The following SLC16A9 variants were observed in gnomAD, a reference collection of about 807,000 sequenced individuals.
The protein encoded by SLC16A9 is monocarboxylate transporter 9.
Under a neutral mutation model 44.3 loss-of-function variants are expected in SLC16A9, and 26 were observed. The ratio of observed to expected loss-of-function variants is 0.59; its 90% confidence interval spans 0.43 to 0.81. The LOEUF is 0.81. SLC16A9 is among the 40% of genes least tolerant of loss of function. The pLI is 0.00. For synonymous variants in SLC16A9, 230 were observed against 225.1 expected, an observed-to-expected ratio of 1.02 and a Z score of -0.19; for missense variants, 559 against 595.8, an observed-to-expected ratio of 0.94 and a Z score of 0.64.
Position 59,653,835 on chromosome 10 carries a change from T to C in SLC16A9, c.1191A>G (p.Thr397=). 1 of 1,614,154 alleles carries C rather than the reference T, an allele frequency of 6.2e-7. No homozygotes were observed. Among genetic ancestry groups the C allele is most frequent in the Admixed American group, 1.7e-5 (1 of 60,024 alleles). The stretch of plus-strand genomic sequence containing the variant: ...CTAGGATCCCAGAAAGCAACGCCAA[T>C]GTGACATAGCTTTTGGCAAATGGAA... The part of the protein sequence containing the change: ...CAIPFAKSYV[T]LALLSGILGF... The change falls in exon 5 of 6, where the codon ACA becomes ACG. Residue 397 remains threonine (T), a synonymous_variant. Transcript: ENST00000395348.
At chr10:59,691,429 T>G (rs1840250100) in intron 1 of SLC16A9, among the ~76,000 whole-genome samples, 1 of 152,144 alleles carries the variant, frequency 6.6e-6, no homozygotes, top group African/African-American at 2.4e-5. Flanking sequence ...CAGAATTAAT[T>G]TGAATTTGAA....
At position 59,653,715 on chromosome 10, in the gene SLC16A9, G is replaced by A. The variant is rs757332576; in HGVS notation, c.1311C>T (p.Phe437=). ...CTAGGCTATTTCCAAGTCCAGCAAA[G>A]AACATTAATATCCCATAGGCATGGG... ...KLAHAYGILM[F]FAGLGNSLGP... Residue 437 remains phenylalanine (F), a synonymous_variant, in exon 5 of 6, where the codon TTC becomes TTT. Transcript: ENST00000395348. 11 of 1,613,824 alleles carry A rather than the reference G, an allele frequency of 6.8e-6. No individual in the cohort carries two copies. Among genetic ancestry groups the A allele is most frequent in the Middle Eastern group, 1.6e-4 (1 of 6,084 alleles).
chr10:59,680,442 GTCT>G (rs1839961823), intron 2 of SLC16A9, among the ~76,000 whole-genome samples: 1 of 152,168 alleles, frequency 6.6e-6, no homozygotes, highest in South Asian at 2.1e-4. Flanking sequence ...TCCAAGAACT[GTCT>G]TCATCTTTCA....
chr10:59,656,799 T>C (rs1839359250), intron 4 of SLC16A9, among the ~76,000 whole-genome samples: 1 of 152,222 alleles, frequency 6.6e-6, no homozygotes, highest in Non-Finnish European at 1.5e-5. Flanking sequence ...GCTAAAACTG[T>C]AATTTTTAAT....
rs1236548704 is a variant in SLC16A9 at position 59,651,158 on chromosome 10, C to T, written c.*1614G>A. The T allele has an allele frequency of 6.6e-6, 1 of 152,078 alleles. No homozygotes were observed. Among genetic ancestry groups the T allele is most frequent in the Non-Finnish European group, 1.5e-5 (1 of 68,010 alleles). 9.4% of individuals were successfully genotyped at this position (152,078 alleles called of 1,614,324 possible). ...GAACTGTTATGAAATTCTCCATATT[C>T]CAGGTTTACTACATAGAAAAGTACT... On this transcript the variant is annotated 3_prime_UTR_variant, in exon 6 of 6. Coordinates refer to ENST00000395348, the MANE Select transcript of SLC16A9 (RefSeq NM_194298.3).
At chr10:59,664,998 T>C (rs1377022746) in intron 3 of SLC16A9, among the ~76,000 whole-genome samples, 2 of 152,222 alleles carry the variant, frequency 1.3e-5, no homozygotes, top group Non-Finnish European at 2.9e-5. Context: ...ATATGGTTGT[T>C]TGCTATACTA....
chr10:59,661,552 C>G (rs1298971437), intron 4 of SLC16A9, among the ~76,000 whole-genome samples: 2 of 152,230 alleles, frequency 1.3e-5, no homozygotes, highest in East Asian at 3.9e-4. Flanking sequence ...GAATCAATAT[C>G]GTGAAAATGG....
chr10:59,696,636 C>T (rs947290617), intron 1 of SLC16A9, among the ~76,000 whole-genome samples: 1 of 150,274 alleles, frequency 6.7e-6, no homozygotes, highest in Non-Finnish European at 1.5e-5. Context: ...TCTGCCCGGC[C>T]GCCATCCCAT....
At chr10:59,702,051 G>C (rs980347733) in intron 1 of SLC16A9, among the ~76,000 whole-genome samples, 2 of 152,206 alleles carry the variant, frequency 1.3e-5, no homozygotes, top group Admixed American at 1.3e-4. Context: ...CATAGGGAAA[G>C]CTCAACAAAT....
chr10:59,681,893 C>T (rs1054480614), intron 2 of SLC16A9, among the ~76,000 whole-genome samples: 3 of 134,482 alleles, frequency 2.2e-5, no homozygotes, highest in Non-Finnish European at 3.2e-5. Context: ...TATACACACA[C>T]GCAGGCGTAA....
rs892657878 is a variant in SLC16A9 at position 59,653,867 on chromosome 10, A to G, written c.1159T>C (p.Cys387Arg). 6.2e-7 allele frequency: 1 copy of G among 1,614,214 alleles called. No individual in the cohort carries two copies. Among genetic ancestry groups the G allele is most frequent in the Non-Finnish European group, 8.5e-7 (1 of 1,180,028 alleles). Residue 387 changes from cysteine (C) to arginine (R), a missense_variant, in exon 5 of 6, where the codon TGT becomes CGT. Transcript: ENST00000395348. ...ATLIIMGLAL[C>R]AIPFAKSYVT... ...TAGCTTTTGGCAAATGGAATTGCAC[A>G]CAAGGCTAGGCCCATGATGATTAAG...
In SLC16A9 at chr10:59,651,183, T is replaced by G. The variant is rs1839189670; in HGVS notation, c.*1589A>C. 1 of 152,168 alleles carries G rather than the reference T, an allele frequency of 6.6e-6. No individual in the cohort carries two copies. The highest frequency in any genetic ancestry group is 1.5e-5 in the Non-Finnish European group (1 of 68,018). The allele number at this position is 152,168 out of a possible 1,614,324, so 9.4% of individuals were successfully genotyped here. ...CCAGGTTTACTACATAGAAAAGTACTATTTACCTACCTCACAGAGGTATTG... is the reference window on the plus strand; with the variant it reads ...CCAGGTTTACTACATAGAAAAGTACGATTTACCTACCTCACAGAGGTATTG... On this transcript the variant is annotated 3_prime_UTR_variant, in exon 6 of 6. Transcript: ENST00000395348.
intron 5 of SLC16A9, 110 bp downstream of exon 5, chr10:59,653,565 C>A (rs2132391605): frequency 1.2e-6 from 1 of 863,640 alleles, no homozygotes; most frequent in Non-Finnish European, 1.8e-6. Context: ...ATGTTCCATG[C>A]AGATTTCTTT....
At position 59,684,341 on chromosome 10, in the gene SLC16A9, A is replaced by C; in HGVS notation, c.-36-14T>G. The C allele has an allele frequency of 6.7e-7, 1 of 1,498,712 alleles. No individual in the cohort carries two copies. Among genetic ancestry groups the C allele is most frequent in the Non-Finnish European group, 9.2e-7 (1 of 1,091,732 alleles). 92.8% of individuals were successfully genotyped at this position (1,498,712 alleles called of 1,614,324 possible). On this transcript the variant is annotated splice_polypyrimidine_tract_variant and intron_variant, in intron 1 of 5. Coordinates refer to ENST00000395348, the MANE Select transcript of SLC16A9 (RefSeq NM_194298.3). ...TCTCTGCAGGTCCTAAACAAAAACA[A>C]ACAGAAAAGAGAATCTTATTTAGAG... is the stretch of plus-strand genomic sequence containing the variant.
At chr10:59,669,760 C>T (rs1222359089) in intron 3 of SLC16A9, among the ~76,000 whole-genome samples, 2 of 151,996 alleles carry the variant, frequency 1.3e-5, no homozygotes, top group Non-Finnish European at 2.9e-5. Flanking sequence ...TCGCTTGAAC[C>T]CATGAGGCGG....
chr10:59,680,488 C>T (rs1378157432), intron 2 of SLC16A9, among the ~76,000 whole-genome samples: 1 of 152,168 alleles, frequency 6.6e-6, no homozygotes, highest in Non-Finnish European at 1.5e-5. Context: ...GCAGGTTTTA[C>T]AGACAATTTA....
chr10:59,677,940 G>T (rs893851656), intron 2 of SLC16A9, among the ~76,000 whole-genome samples: 1 of 151,372 alleles, frequency 6.6e-6, no homozygotes, highest in Non-Finnish European at 1.5e-5. Context: ...CAATGTGCAG[G>T]TTAGTTACAT....
rs1378694203 is a variant in SLC16A9, at chr10:59,654,194, AAT to A, written c.830_831del (p.Tyr277PhefsTer14). 6.2e-7 allele frequency: 1 copy of A among 1,614,094 alleles called. No homozygotes were observed. The highest frequency in any genetic ancestry group is 8.5e-7 in the Non-Finnish European group (1 of 1,180,006). The part of the protein sequence containing the change: ...TYKKKVAEQT[Y>X]FCKQLAKRKW... Reference sequence around the variant, plus strand: ...TTCCTCTTGGCAAGCTGTTTGCAAAAATATGTCTGTTCTGCAACTTTCTTTTT... The same window carrying A: ...TTCCTCTTGGCAAGCTGTTTGCAAAAATGTCTGTTCTGCAACTTTCTTTTT... On this transcript the variant is annotated frameshift_variant, in exon 5 of 6. Coordinates refer to ENST00000395348, the MANE Select transcript of SLC16A9 (RefSeq NM_194298.3). LOFTEE classifies it high-confidence loss of function.
intron 2 of SLC16A9, among the ~76,000 whole-genome samples, chr10:59,681,900 G>A (rs16913960): frequency 2.4e-3 from 336 of 142,150 alleles, no homozygotes; most frequent in African/African-American, 8.0e-3. Flanking sequence ...ACACGCAGGC[G>A]TAAGTTGTAG....
Sources: allele counts gnomAD v4.1 joint callset (sites outside exome capture counted in the v4.1 genomes callset), GRCh38; gene constraint gnomAD v4.1.1; transcripts MANE v1.5; gene names NCBI Gene and HGNC (gene_info 2026-07-23, HGNC 2026-07-21).